Variants in CCSER2 observed in about 807,000 individuals in gnomAD.
CCSER2 encodes coiled-coil serine rich protein 2, also known as serine-rich coiled-coil domain-containing protein 2.
A neutral mutation model predicts 92.3 loss-of-function variants in CCSER2; 46 were observed. That is an observed-to-expected ratio of 0.50 (90% CI 0.39 to 0.64). CCSER2 has a LOEUF of 0.64. CCSER2 is among the 30% of genes least tolerant of loss of function. The pLI is 0.00. For synonymous variants in CCSER2, 433 were observed against 431.4 expected (o/e 1.00, Z -0.04); for missense variants, 1,244 against 1,238.9 (o/e 1.00, Z -0.06).
At chr10:84,480,931 A>G (rs1432007576) in intron 9 of CCSER2, among the ~76,000 whole-genome samples, 1 of 152,138 alleles carries the variant, frequency 6.6e-6, no homozygotes, top group African/African-American at 2.4e-5. Flanking sequence ...GAAATGCATT[A>G]CCTTTAATCA....
At chr10:84,450,954 T>C (rs1845245436) in intron 6 of CCSER2, among the ~76,000 whole-genome samples, 1 of 152,196 alleles carries the variant, frequency 6.6e-6, no homozygotes, top group South Asian at 2.1e-4. Flanking sequence ...GAGTGTATGG[T>C]GTGTATCTAC....
chr10:84,506,541 C>G (rs894084171), intron 9 of CCSER2, among the ~76,000 whole-genome samples: 1 of 152,154 alleles, frequency 6.6e-6, no homozygotes, highest in African/African-American at 2.4e-5. Context: ...CGCCTGTGAT[C>G]CCAGCACTTT....
At chr10:84,488,634 T>G (rs1395955755) in intron 9 of CCSER2, among the ~76,000 whole-genome samples, 1 of 152,204 alleles carries the variant, frequency 6.6e-6, no homozygotes, top group East Asian at 1.9e-4. Context: ...CTCTCTTTTC[T>G]TCTTTATTAG....
intron 1 of CCSER2, among the ~76,000 whole-genome samples, chr10:84,329,662 T>G (rs1010106307): frequency 1.3e-5 from 2 of 152,188 alleles, no homozygotes; most frequent in Non-Finnish European, 2.9e-5. Flanking sequence ...TTTTAAAGCA[T>G]CATCTTTTAG....
At chr10:84,480,449 A>G (rs993853405) in intron 9 of CCSER2, among the ~76,000 whole-genome samples, 4 of 152,202 alleles carry the variant, frequency 2.6e-5, no homozygotes, top group African/African-American at 7.2e-5. Flanking sequence ...AGTACAAAGA[A>G]ATCTTTTGAC....
chr10:84,490,049 A>G (rs1321390377), intron 9 of CCSER2, among the ~76,000 whole-genome samples: 1 of 152,214 alleles, frequency 6.6e-6, no homozygotes, highest in East Asian at 1.9e-4. Context: ...CTTTTCTTTA[A>G]GAATGTTGAA....
At chr10:84,460,607 T>G (rs1025148386) in intron 6 of CCSER2, among the ~76,000 whole-genome samples, 1 of 152,142 alleles carries the variant, frequency 6.6e-6, no homozygotes, top group African/African-American at 2.4e-5. Flanking sequence ...CTCAGATTTT[T>G]TTTTTTTTAG....
intron 3 of CCSER2, among the ~76,000 whole-genome samples, chr10:84,417,267 A>C (rs941195519): frequency 1.3e-5 from 2 of 152,234 alleles, no homozygotes; most frequent in African/African-American, 2.4e-5. Context: ...AAAAAGAACA[A>C]ATTGAGTCAA....
chr10:84,371,914 T>C lies in CCSER2; in HGVS notation c.862T>C (p.Tyr288His), dbSNP rs763753140. 3.0e-5 allele frequency: 49 copies of C among 1,613,680 alleles called. No individual in the cohort carries two copies. The highest frequency in any genetic ancestry group is 3.7e-5 in the Non-Finnish European group (44 of 1,179,870). The part of the protein sequence containing the change: ...EVLNGNEHLG[Y>H]GFNRPYAAGG... ...ACTCAATGGGAATGAACATTTGGGGTATGGATTTAATAGGCCTTATGCTGC... is the reference window on the plus strand; with the variant it reads ...ACTCAATGGGAATGAACATTTGGGGCATGGATTTAATAGGCCTTATGCTGC... The change falls in exon 2 of 10, where the codon TAT (tyrosine) becomes CAT (histidine). Residue 288 changes from tyrosine to histidine, a missense_variant. Coordinates refer to ENST00000372088, the MANE Select transcript of CCSER2 (RefSeq NM_001284240.2).
intron 3 of CCSER2, among the ~76,000 whole-genome samples, chr10:84,381,340 T>C (rs937530426): frequency 4.6e-5 from 7 of 152,200 alleles, no homozygotes; most frequent in Non-Finnish European, 8.8e-5. Context: ...ACAATATGCT[T>C]GGGGTGCTAT....
chr10:84,453,827 A>G (rs1254126503), intron 6 of CCSER2, among the ~76,000 whole-genome samples: 1 of 152,010 alleles, frequency 6.6e-6, no homozygotes, highest in Non-Finnish European at 1.5e-5. Flanking sequence ...TACTAATTAG[A>G]ATTCTTTGTT....
Position 84,371,791 on chromosome 10 carries a change from G to C in CCSER2, c.739G>C (p.Ala247Pro). The C allele has an allele frequency of 6.2e-7, 1 of 1,613,718 alleles. No homozygotes were observed. Among genetic ancestry groups the C allele is most frequent in the Non-Finnish European group, 8.5e-7 (1 of 1,179,772 alleles). Residue 247 changes from alanine (A) to proline (P), a missense_variant, in exon 2 of 10, where the codon GCT (alanine) becomes CCT (proline). Physicochemically the swap from Ala to Pro is conservative, Grantham distance 27. Coordinates refer to ENST00000372088, the MANE Select transcript of CCSER2 (RefSeq NM_001284240.2). The part of the protein sequence containing the change: ...SITRSHSFNR[A>P]VDLTKPYQNQ... The stretch of plus-strand genomic sequence containing the variant: ...AACCAGATCACATTCCTTTAATAGA[G>C]CTGTGGATCTTACAAAGCCTTATCA...
At chr10:84,506,992 A>C (rs1356145914) in intron 9 of CCSER2, among the ~76,000 whole-genome samples, 2 of 152,154 alleles carry the variant, frequency 1.3e-5, no homozygotes, top group Admixed American at 6.5e-5. Context: ...GTTTGGTAAG[A>C]GTCTTCAAGT....
intron 9 of CCSER2, among the ~76,000 whole-genome samples, chr10:84,486,892 C>G (rs1269591905): frequency 6.6e-6 from 1 of 152,164 alleles, no homozygotes; most frequent in Non-Finnish European, 1.5e-5. Context: ...ACATTTAAGT[C>G]TTTAATCCAT....
Position 84,441,734 on chromosome 10 carries a change from A to ATTTTTTTT in CCSER2, c.2064+3028_2064+3029insTTTTTTTT, listed in dbSNP as rs1564667385. Among the ~76,000 whole-genome samples, 112 of 106,438 alleles carry ATTTTTTTT rather than the reference A, an allele frequency of 1.1e-3. 10 individuals carry two copies. Among genetic ancestry groups the ATTTTTTTT allele is most frequent in the Non-Finnish European group, 1.4e-3 (76 of 54,110 alleles). The allele number at this position is 106,438 out of a possible 152,430, so 69.8% of individuals were successfully genotyped here. A position where few individuals can be genotyped will look rare whatever the true frequency, so the allele number is the denominator to read the frequency against. On this transcript the variant is annotated intron_variant, in intron 6 of 9. Coordinates refer to ENST00000372088, the MANE Select transcript of CCSER2 (RefSeq NM_001284240.2). Reference sequence around the variant, plus strand: ...GGGAATAAAGTAGAAGACTGGGAAAATGTTTTTTTTTTTTTTTTTTTTTTT... The same window carrying ATTTTTTTT: ...GGGAATAAAGTAGAAGACTGGGAAAATTTTTTTTTGTTTTTTTTTTTTTTTTTTTTTTT...
At chr10:84,351,320 C>T (rs539740699) in intron 1 of CCSER2, among the ~76,000 whole-genome samples, 2 of 152,054 alleles carry the variant, frequency 1.3e-5, no homozygotes, top group South Asian at 4.2e-4. Context: ...AGATCACTAC[C>T]TCCCAGGTTC....
In CCSER2 at chr10:84,371,107, G is replaced by T; in HGVS notation, c.55G>T (p.Gly19Ter). The T allele has an allele frequency of 6.2e-7, 1 of 1,608,486 alleles. No homozygotes were observed. Residue 19 changes from glycine to a stop codon, truncating the protein, a stop_gained, in exon 2 of 10, where the codon GGA (glycine) becomes TGA (stop). Coordinates refer to ENST00000372088, the MANE Select transcript of CCSER2 (RefSeq NM_001284240.2). LOFTEE classifies it high-confidence loss of function. ...TFLGSKLPKY[G>*]TKSVRSTLQP... Reference sequence around the variant, plus strand: ...TTTGGGTTCCAAGTTGCCAAAGTATGGAACAAAATCTGTAAGAAGTACATT... The same window carrying T: ...TTTGGGTTCCAAGTTGCCAAAGTATTGAACAAAATCTGTAAGAAGTACATT...
At position 84,438,683 on chromosome 10, in the gene CCSER2, C is replaced by G. The variant is rs778204449; in HGVS notation, c.2040C>G (p.Leu680=). 6.2e-7 allele frequency: 1 copy of G among 1,606,628 alleles called. No homozygotes were observed. ...GCACTGCTGTAAAAACTCAGTTACTCAAACTGAAACGTCTCCTGCATCAGG... is the reference window on the plus strand; with the variant it reads ...GCACTGCTGTAAAAACTCAGTTACTGAAACTGAAACGTCTCCTGCATCAGG... ...QDCTAVKTQL[L]KLKRLLHQHD... Residue 680 remains leucine (L), a synonymous_variant, in exon 6 of 10, where the codon CTC becomes CTG. Transcript: ENST00000372088.
At chr10:84,485,547 C>T (rs914067869) in intron 9 of CCSER2, among the ~76,000 whole-genome samples, 1 of 152,168 alleles carries the variant, frequency 6.6e-6, no homozygotes, top group Non-Finnish European at 1.5e-5. Context: ...TTGTGTGCAT[C>T]AGTAGTTAGT....
Sources: allele counts gnomAD v4.1 joint callset (sites outside exome capture counted in the v4.1 genomes callset), GRCh38; gene constraint gnomAD v4.1.1; transcripts MANE v1.5; gene names NCBI Gene and HGNC (gene_info 2026-07-23, HGNC 2026-07-21).